CEP126: variants seen among roughly 807,000 people sequenced by gnomAD.
The protein encoded by CEP126 is centrosomal protein of 126 kDa.
A neutral mutation model predicts 107.8 loss-of-function variants in CEP126; 74 were observed. The ratio of observed to expected loss-of-function variants is 0.69; its 90% CI spans 0.57 to 0.83. CEP126 has a LOEUF of 0.83. Ranked by LOEUF, CEP126 falls within the 40% of genes least tolerant of loss-of-function variation. CEP126 has a pLI of 0.00. For missense variants in CEP126, 1,237 were observed against 1,281.9 expected (o/e 0.96, Z 0.53); for synonymous variants, 449 against 446.0 (o/e 1.01, Z -0.08).
Position 102,000,016 on chromosome 11 carries a change from A to T in CEP126, c.*2373A>T, listed in dbSNP as rs1484343842. 6.6e-6 allele frequency: 1 copy of T among 152,142 alleles called. No homozygotes were observed. Among genetic ancestry groups the T allele is most frequent in the Non-Finnish European group, 1.5e-5 (1 of 68,086 alleles). 9.4% of individuals were successfully genotyped at this position (152,142 alleles called of 1,614,324 possible). On this transcript the variant is annotated 3_prime_UTR_variant, in exon 11 of 11. Transcript: ENST00000263468. Reference sequence around the variant, plus strand: ...GCCAACATGGTGAAACCCTGTCTCTACTAAAAATACAAAAATAGCTGGGCA... The same window carrying T: ...GCCAACATGGTGAAACCCTGTCTCTTCTAAAAATACAAAAATAGCTGGGCA...
intron 4 of CEP126, chr11:101,956,763 T>C (rs1192966518): frequency 2.2e-6 from 1 of 453,710 alleles, no homozygotes; most frequent in Non-Finnish European, 4.4e-6. Flanking sequence ...TCCTTTATGA[T>C]TTCCTCTTCC....
In CEP126 at chr11:101,988,212, A is replaced by G. The variant is rs76244130; in HGVS notation, c.3244+1171A>G. ...AAGAAACTATAAAGAAAGAGCAAAC[A>G]GATTTGAAAAATGGCCCAAATAGAA... On this transcript the variant is annotated intron_variant, in intron 9 of 10. Coordinates refer to ENST00000263468, the MANE Select transcript of CEP126 (RefSeq NM_020802.4). Among the ~76,000 whole-genome samples, 319 of 152,342 alleles carry G rather than the reference A, an allele frequency of 2.1e-3. 6 individuals are homozygous for G. The East Asian group carries it at 0.055, about 26-fold the overall frequency.
intron 10 of CEP126, among the ~76,000 whole-genome samples, chr11:101,993,798 A>G (rs1203930169): frequency 6.6e-6 from 1 of 152,188 alleles, no homozygotes; most frequent in Non-Finnish European, 1.5e-5. Context: ...CATTTTTCAA[A>G]TGATTAGTGA....
intron 2 of CEP126, among the ~76,000 whole-genome samples, chr11:101,934,149 T>A (rs530270087): frequency 6.6e-6 from 1 of 152,234 alleles, no homozygotes; most frequent in South Asian, 2.1e-4. Flanking sequence ...AATATACTGC[T>A]TATCCCTACT....
intron 2 of CEP126, among the ~76,000 whole-genome samples, chr11:101,929,907 G>A (rs1363887589): frequency 1.3e-5 from 2 of 150,400 alleles, no homozygotes; most frequent in Admixed American, 1.3e-4. Flanking sequence ...TTTTGCCTAA[G>A]TTTTCTGTCT....
At chr11:101,956,479 A>C (rs1591281869) in intron 4 of CEP126, 1 of 456,380 alleles carries the variant, frequency 2.2e-6, no homozygotes. Flanking sequence ...CAGATCATCC[A>C]CCAGCCTCAG....
At chr11:101,990,596 A>G (rs2137134608) in intron 9 of CEP126, among the ~76,000 whole-genome samples, 1 of 152,266 alleles carries the variant, frequency 6.6e-6, no homozygotes, top group South Asian at 2.1e-4. Context: ...GGAGCAGGAG[A>G]AAGAGAGGCC....
chr11:101,994,872 GT>G (rs5794151), intron 10 of CEP126, among the ~76,000 whole-genome samples: 245 of 145,732 alleles, frequency 1.7e-3, no homozygotes, highest in East Asian at 8.2e-3. Flanking sequence ...TGTCTTGAGA[GT>G]TTTTTTTTTT....
chr11:101,978,267 G>T, intron 6 of CEP126, 80 bp from the exon 7 acceptor site: 1 of 855,468 alleles, frequency 1.2e-6, no homozygotes, highest in Non-Finnish European at 1.9e-6. Context: ...ATATTTGAAA[G>T]TAACTTGAAA....
At chr11:101,956,899 G>A in intron 4 of CEP126, 1 of 361,792 alleles carries the variant, frequency 2.8e-6, no homozygotes, top group Non-Finnish European at 5.4e-6. Context: ...GTGGAGTAGA[G>A]AAGAAAGGAA....
chr11:101,963,663 A>G lies in CEP126; in HGVS notation c.2628A>G (p.Pro876=), dbSNP rs1293957356. The change falls in exon 6 of 11, where the codon CCA becomes CCG. Residue 876 remains proline, a synonymous_variant. Coordinates refer to ENST00000263468, the MANE Select transcript of CEP126 (RefSeq NM_020802.4). Reference sequence around the variant, plus strand: ...TAGTCACTGTGATACCATCACTGCCATCATATTGTTCTTCAGAGTGCCAAA... The same window carrying G: ...TAGTCACTGTGATACCATCACTGCCGTCATATTGTTCTTCAGAGTGCCAAA... ...SDLVTVIPSL[P]SYCSSECQTF... is the part of the protein sequence containing the mutation. 5 of 1,614,032 alleles carry G rather than the reference A, an allele frequency of 3.1e-6. No homozygotes were observed. Among genetic ancestry groups the G allele is most frequent in the Non-Finnish European group, 4.2e-6 (5 of 1,180,020 alleles).
intron 5 of CEP126, among the ~76,000 whole-genome samples, chr11:101,959,060 C>T (rs763154558): frequency 2.6e-5 from 4 of 152,266 alleles, no homozygotes; most frequent in Non-Finnish European, 4.4e-5. Flanking sequence ...AGGCTTTCTA[C>T]GTAGTTATGT....
rs1233649445 is a variant in CEP126, at chr11:101,962,085, A to G, written c.1050A>G (p.Pro350=). 1 of 1,612,388 alleles carries G rather than the reference A, an allele frequency of 6.2e-7. No individual in the cohort carries two copies. The highest frequency in any genetic ancestry group is 1.3e-5 in the African/African-American group (1 of 74,802). The change falls in exon 6 of 11, where the codon CCA becomes CCG. Residue 350 remains proline, a synonymous_variant. Coordinates refer to ENST00000263468, the MANE Select transcript of CEP126 (RefSeq NM_020802.4). ...ATTTTAATAGTAAAGAACAAAATCC[A>G]TCTCCTTTGAATGGAACAGTGGAAA... ...WEYFNSKEQN[P]SPLNGTVERA...
intron 2 of CEP126, among the ~76,000 whole-genome samples, chr11:101,927,330 C>G (rs1446154085): frequency 6.6e-6 from 1 of 152,006 alleles, no homozygotes; most frequent in Non-Finnish European, 1.5e-5. Context: ...TAAATTAAAC[C>G]AAATTAAACT....
At chr11:101,941,436 T>C (rs1295536807) in intron 2 of CEP126, among the ~76,000 whole-genome samples, 1 of 152,142 alleles carries the variant, frequency 6.6e-6, no homozygotes, top group Non-Finnish European at 1.5e-5. Context: ...TAGCAGAATG[T>C]TTTCAAGGTT....
At position 102,000,104 on chromosome 11, in the gene CEP126, A is replaced by T. The variant is rs1198965785; in HGVS notation, c.*2461A>T. 6.6e-6 allele frequency: 1 copy of T among 152,114 alleles called. No homozygotes were observed. The highest frequency in any genetic ancestry group is 1.5e-5 in the Non-Finnish European group (1 of 68,034). The allele number at this position is 152,114 out of a possible 1,614,324, so 9.4% of individuals were successfully genotyped here. On this transcript the variant is annotated 3_prime_UTR_variant, in exon 11 of 11. Coordinates refer to ENST00000263468, the MANE Select transcript of CEP126 (RefSeq NM_020802.4). ...TGAGGCAGGAGAATCGTTTGAACCC[A>T]GGAGGTAGAGGTTGCAGTGAGCTGA...
intron 4 of CEP126, among the ~76,000 whole-genome samples, chr11:101,955,169 T>C (rs534622374): frequency 2.6e-5 from 4 of 152,232 alleles, no homozygotes; most frequent in Admixed American, 1.3e-4. Flanking sequence ...CTCATGAACA[T>C]AGAAGCTGCT....
Position 101,957,551 on chromosome 11 carries a change from G to A in CEP126, c.507-617G>A, listed in dbSNP as rs965747667. Reference sequence around the variant, plus strand: ...AAGGTAGACTCTATATTAAGGGTACGCTTCTGTGGCATAAAAACCATGCTT... The same window carrying A: ...AAGGTAGACTCTATATTAAGGGTACACTTCTGTGGCATAAAAACCATGCTT... On this transcript the variant is annotated intron_variant, in intron 4 of 10. Transcript: ENST00000263468. Among the ~76,000 whole-genome samples, 8 of 152,250 alleles carry A rather than the reference G, an allele frequency of 5.3e-5. 1 individual carries two copies. The South Asian group carries it at 8.3e-4, about 16-fold the overall frequency.
rs766318164 is a variant in CEP126, at chr11:101,963,716, G to A, written c.2681G>A (p.Gly894Asp). The change falls in exon 6 of 11, where the codon GGC becomes GAC. Residue 894 changes from glycine (G) to aspartate (D), a missense_variant. By Grantham distance (94) the Gly-to-Asp change is moderately conservative. Coordinates refer to ENST00000263468, the MANE Select transcript of CEP126 (RefSeq NM_020802.4). ...QTFAKINHSN[G>D]TQAVARQDAT... Reference sequence around the variant, plus strand: ...TTCGCAAAAATAAATCATTCAAATGGCACTCAAGCAGTTGCCCGGCAAGAT... The same window carrying A: ...TTCGCAAAAATAAATCATTCAAATGACACTCAAGCAGTTGCCCGGCAAGAT... The A allele has an allele frequency of 6.2e-7, 1 of 1,613,946 alleles. No individual in the cohort carries two copies. Among genetic ancestry groups the A allele is most frequent in the Admixed American group, 1.7e-5 (1 of 59,994 alleles).
Sources: allele counts gnomAD v4.1 joint callset (sites outside exome capture counted in the v4.1 genomes callset), GRCh38; gene constraint gnomAD v4.1.1; transcripts MANE v1.5; gene names NCBI Gene and HGNC (gene_info 2026-07-23, HGNC 2026-07-21).